Variants in ARID5B observed in about 807,000 individuals in gnomAD.
ARID5B encodes AT-rich interactive domain-containing protein 5B.
Under a neutral mutation model 97.2 loss-of-function variants are expected in ARID5B, and 13 were observed. The observed-to-expected ratio is 0.13, with a 90% CI of 0.09 to 0.21. ARID5B has a LOEUF of 0.21. Ranked by LOEUF, ARID5B falls within the 10% of genes least tolerant of loss-of-function variation. The pLI is 1.00. For synonymous variants in ARID5B, 556 were observed against 570.3 expected (o/e 0.97, Z 0.36); for missense variants, 1,210 against 1,465.3 (o/e 0.83, Z 2.84).
chr10:61,901,960 T>TG (rs1210405743), intron 1 of ARID5B, among the ~76,000 whole-genome samples, 199 bp from the exon 2 acceptor site: 2 of 143,046 alleles, frequency 1.4e-5, no homozygotes, highest in East Asian at 2.0e-4. Context: ...GAAGTGGCGG[T>TG]GGGGGGCCCT....
At chr10:62,086,810 G>T (rs183228988) in intron 9 of ARID5B, among the ~76,000 whole-genome samples, 176 of 151,992 alleles carry the variant, frequency 1.2e-3, no homozygotes, top group African/African-American at 4.0e-3. Context: ...GCAGTGAGCT[G>T]TGATTATACC....
intron 3 of ARID5B, among the ~76,000 whole-genome samples, chr10:61,978,409 A>G (rs1180646142): frequency 6.6e-6 from 1 of 152,232 alleles, no homozygotes; most frequent in Non-Finnish European, 1.5e-5. Context: ...GGTCATTGGT[A>G]GCTTGATGAG....
chr10:61,939,423 T>C (rs1260401382), intron 2 of ARID5B, among the ~76,000 whole-genome samples: 1 of 152,180 alleles, frequency 6.6e-6, no homozygotes, highest in Non-Finnish European at 1.5e-5. Flanking sequence ...TTAGAGATGC[T>C]TAACATTCAA....
At chr10:62,051,232 C>T (rs1839785571) in intron 5 of ARID5B, 1 of 599,430 alleles carries the variant, frequency 1.7e-6, no homozygotes, top group African/African-American at 1.9e-5. Context: ...GACTTCCTAC[C>T]TCCCAGTTTG....
At chr10:62,011,709 A>G (rs1424842742) in intron 4 of ARID5B, among the ~76,000 whole-genome samples, 1 of 152,232 alleles carries the variant, frequency 6.6e-6, no homozygotes, top group East Asian at 1.9e-4. Flanking sequence ...ACAACTCTGT[A>G]GAACTGGGAG....
At chr10:61,957,204 A>C (rs1838402591) in intron 3 of ARID5B, among the ~76,000 whole-genome samples, 1 of 152,220 alleles carries the variant, frequency 6.6e-6, no homozygotes, top group Non-Finnish European at 1.5e-5. Flanking sequence ...AACTAATTTC[A>C]GTTTAAAATA....
At chr10:61,992,413 T>G (rs1838939067) in intron 3 of ARID5B, among the ~76,000 whole-genome samples, 1 of 152,194 alleles carries the variant, frequency 6.6e-6, no homozygotes, top group Admixed American at 6.5e-5. Flanking sequence ...TGATGTTTTT[T>G]TTCTTGAGTG....
intron 8 of ARID5B, among the ~76,000 whole-genome samples, chr10:62,082,661 G>A (rs922122647): frequency 2.0e-5 from 3 of 152,096 alleles, no homozygotes; most frequent in Admixed American, 1.3e-4. Flanking sequence ...CCTAATCTAA[G>A]GCTAACCTGT....
In ARID5B at chr10:61,989,103, G is replaced by T. The variant is rs558803210; in HGVS notation, c.503-10988G>T. On this transcript the variant is annotated intron_variant, in intron 3 of 9. Coordinates refer to ENST00000279873, the MANE Select transcript of ARID5B (RefSeq NM_032199.3). ...TGCCACCATGCCTGGCTAATTTTTT[G>T]TATTTTTAGTAGAGACGGGGTTTCG... Among the ~76,000 whole-genome samples, 3 of 151,796 alleles carry T rather than the reference G, an allele frequency of 2.0e-5. No individual in the cohort carries two copies. The South Asian group carries it at 6.2e-4, about 32-fold the overall frequency.
chr10:61,910,678 T>A (rs1378995332), intron 2 of ARID5B, among the ~76,000 whole-genome samples: 2 of 152,210 alleles, frequency 1.3e-5, no homozygotes, highest in Non-Finnish European at 2.9e-5. Flanking sequence ...AACATGCAGA[T>A]GATGATGATT....
intron 2 of ARID5B, among the ~76,000 whole-genome samples, chr10:61,909,426 C>T (rs1005027048): frequency 1.8e-4 from 26 of 148,440 alleles, no homozygotes; most frequent in African/African-American, 6.2e-4. Flanking sequence ...CCCGGGTTCA[C>T]GCCATTCTCC....
intron 3 of ARID5B, among the ~76,000 whole-genome samples, chr10:61,984,487 C>G (rs919967295): frequency 4.6e-5 from 7 of 152,212 alleles, no homozygotes; most frequent in African/African-American, 1.7e-4. Context: ...CTTGAAGAGA[C>G]TTCATCTGGA....
intron 8 of ARID5B, among the ~76,000 whole-genome samples, chr10:62,082,571 C>G (rs959936921): frequency 2.0e-5 from 3 of 152,198 alleles, no homozygotes; most frequent in Admixed American, 6.5e-5. Flanking sequence ...TAATCAACCT[C>G]AAGGCGCAGG....
At chr10:62,055,895 A>AC (rs1554848350) in intron 5 of ARID5B, among the ~76,000 whole-genome samples, 1 of 152,142 alleles carries the variant, frequency 6.6e-6, no homozygotes, top group Non-Finnish European at 1.5e-5. Flanking sequence ...GGAAAGAAAA[A>AC]GGTTCGAAAT....
chr10:62,006,255 A>C (rs1017397559), intron 4 of ARID5B, among the ~76,000 whole-genome samples: 1 of 152,130 alleles, frequency 6.6e-6, no homozygotes, highest in Non-Finnish European at 1.5e-5. Context: ...CAGCCTGGCC[A>C]ATGTGGTGAA....
chr10:62,036,575 G>A (rs1278310945), intron 4 of ARID5B, among the ~76,000 whole-genome samples: 2 of 152,232 alleles, frequency 1.3e-5, no homozygotes, highest in African/African-American at 4.8e-5. Context: ...TTTCTTGCTT[G>A]TATGTTTTGG....
intron 5 of ARID5B, 165 bp downstream of exon 5, chr10:62,051,165 C>T: frequency 1.4e-6 from 1 of 709,444 alleles, no homozygotes; most frequent in South Asian, 1.5e-5. Context: ...CTGCCACCTC[C>T]CTTCCCCTGG....
At chr10:62,045,064 C>CT (rs1839688720) in intron 4 of ARID5B, among the ~76,000 whole-genome samples, 1 of 152,102 alleles carries the variant, frequency 6.6e-6, no homozygotes, top group South Asian at 2.1e-4. Flanking sequence ...ATTTCAGGGA[C>CT]TTATTTATGA....
intron 4 of ARID5B, among the ~76,000 whole-genome samples, chr10:62,042,604 T>C (rs537413180): frequency 6.6e-6 from 1 of 152,138 alleles, no homozygotes; most frequent in Non-Finnish European, 1.5e-5. Flanking sequence ...TGCCCTGATG[T>C]CTCTTTATAG....
Sources: gnomAD v4.1 joint callset for allele counts (sites outside exome capture counted in the v4.1 genomes callset) on GRCh38, gnomAD v4.1.1 for gene constraint, MANE v1.5 for transcripts, NCBI Gene and HGNC (gene_info 2026-07-23, HGNC 2026-07-21) for gene names.